RNF125: variants seen among roughly 807,000 people sequenced by gnomAD.
RNF125 encodes E3 ubiquitin-protein ligase RNF125.
Under a neutral mutation model 26.0 loss-of-function variants are expected in RNF125, and 21 were observed. That is an observed-to-expected ratio of 0.81 (90% CI 0.57 to 1.16). The LOEUF (loss-of-function observed/expected upper bound fraction) is 1.16. RNF125 is among the 50% of genes most tolerant of loss of function. The probability of loss-of-function intolerance (pLI) is 0.00; values close to 1 mark genes in which losing one functional copy is unlikely to be tolerated. For missense variants in RNF125, 270 were observed against 299.4 expected, an observed-to-expected ratio of 0.90 and a Z score of 0.72; for synonymous variants, 95 against 109.2, an observed-to-expected ratio of 0.87 and a Z score of 0.81.
chr18:32,066,225 G>A (rs1158987657), intron 5 of RNF125: 11 of 313,946 alleles, frequency 3.5e-5, no homozygotes, highest in Non-Finnish European at 5.5e-5. Context: ...CGAGGTGGGC[G>A]AATCACTTGA....
the RNF125 span, among the ~76,000 whole-genome samples, chr18:32,082,288 A>G: frequency 2.0e-5 from 3 of 152,222 alleles, no homozygotes; most frequent in East Asian, 3.8e-4. Context: ...CTACCTGCAC[A>G]AAATACATTG....
At chr18:32,081,551 G>A in the RNF125 span, among the ~76,000 whole-genome samples, 1 of 152,016 alleles carries the variant, frequency 6.6e-6, no homozygotes, top group Non-Finnish European at 1.5e-5. Context: ...CCATCTCTTA[G>A]ATATTTACTG....
At chr18:32,046,085 C>T (rs113397593) in intron 4 of RNF125, among the ~76,000 whole-genome samples, 2,399 of 151,784 alleles carry the variant, frequency 0.016, 25 homozygotes, top group Non-Finnish European at 0.025. Context: ...GGTACATTGG[C>T]GGGCATGTGT....
At chr18:32,051,248 G>A (rs924066716) in intron 4 of RNF125, among the ~76,000 whole-genome samples, 1 of 151,892 alleles carries the variant, frequency 6.6e-6, no homozygotes, top group African/African-American at 2.4e-5. Context: ...TAAGTCTTTC[G>A]TTTAACACTG....
At chr18:32,080,235 G>T in the RNF125 span, among the ~76,000 whole-genome samples, 3 of 152,234 alleles carry the variant, frequency 2.0e-5, no homozygotes, top group Non-Finnish European at 4.4e-5. Context: ...CACCATGTTG[G>T]CCAGGCTGGT....
chr18:32,025,070 A>G (rs2039020454), intron 1 of RNF125, among the ~76,000 whole-genome samples: 1 of 152,146 alleles, frequency 6.6e-6, no homozygotes, highest in Non-Finnish European at 1.5e-5. Context: ...TCTCAAAAAA[A>G]CAAAAACAAA....
intron 1 of RNF125, among the ~76,000 whole-genome samples, chr18:32,030,735 C>T (rs1341727231): frequency 1.3e-5 from 2 of 152,220 alleles, no homozygotes; most frequent in Admixed American, 1.3e-4. Context: ...AGAATCTTTT[C>T]AGCTCACAGT....
intron 1 of RNF125, among the ~76,000 whole-genome samples, chr18:32,026,612 C>T (rs7245142): frequency 0.1 from 15,403 of 152,046 alleles, 797 homozygotes; most frequent in African/African-American, 0.11. Flanking sequence ...TCCCCAGACC[C>T]TCCCAGCACC....
intron 4 of RNF125, among the ~76,000 whole-genome samples, chr18:32,057,767 C>CT (rs1002769966): frequency 2.0e-5 from 3 of 152,078 alleles, no homozygotes; most frequent in African/African-American, 7.2e-5. Context: ...ATTATATTGT[C>CT]TTTAAGGCGG....
chr18:32,079,873 G>A, the RNF125 span, among the ~76,000 whole-genome samples: 1 of 152,166 alleles, frequency 6.6e-6, no homozygotes, highest in Non-Finnish European at 1.5e-5. Flanking sequence ...AAGGACAACT[G>A]TATATATTAT....
chr18:32,020,035 TGAGAGA>T (rs763767520), intron 1 of RNF125, among the ~76,000 whole-genome samples: 1 of 142,056 alleles, frequency 7.0e-6, no homozygotes. Flanking sequence ...TGTGTGTGTT[TGAGAGA>T]GAGAGAGAGA....
At chr18:32,042,920 G>T (rs1033319174) in intron 3 of RNF125, among the ~76,000 whole-genome samples, 1 of 151,100 alleles carries the variant, frequency 6.6e-6, no homozygotes, top group African/African-American at 2.4e-5. Flanking sequence ...AGGCTGAGAC[G>T]GGCAGATCAC....
At chr18:32,051,756 G>T (rs527779244) in intron 4 of RNF125, among the ~76,000 whole-genome samples, 1 of 147,358 alleles carries the variant, frequency 6.8e-6, no homozygotes, top group Non-Finnish European at 1.5e-5. Flanking sequence ...GTGTAGTGGC[G>T]TGATCTCACT....
intron 2 of RNF125, among the ~76,000 whole-genome samples, chr18:32,037,640 G>A (rs1045782318): frequency 6.6e-6 from 1 of 152,056 alleles, no homozygotes; most frequent in Non-Finnish European, 1.5e-5. Context: ...CCAAAGTGCT[G>A]GTGAGATGTG....
In RNF125 at chr18:32,068,281, A is replaced by G. The variant is rs1357884040; in HGVS notation, c.613-17A>G. The G allele has an allele frequency of 7.4e-7, 1 of 1,354,430 alleles. No individual in the cohort carries two copies. The highest frequency in any genetic ancestry group is 1.1e-6 in the Non-Finnish European group (1 of 947,762). 83.9% of individuals were successfully genotyped at this position (1,354,430 alleles called of 1,614,324 possible). A position where few individuals can be genotyped will look rare whatever the true frequency, so the allele number is the denominator to read the frequency against. ...CTATTGACTCTGAATATTTCTAATT[A>G]TTTTTCTTTATTGTAGGATTTTAAT... On this transcript the variant is annotated splice_polypyrimidine_tract_variant and intron_variant, in intron 5 of 5. Transcript: ENST00000217740.
At chr18:32,052,379 G>A (rs1417132084) in intron 4 of RNF125, among the ~76,000 whole-genome samples, 2 of 151,654 alleles carry the variant, frequency 1.3e-5, no homozygotes, top group Admixed American at 6.6e-5. Flanking sequence ...TGTAGTCCCG[G>A]CTGCTCAGGA....
chr18:32,034,947 A>G (rs2039138490), intron 1 of RNF125, among the ~76,000 whole-genome samples: 1 of 152,064 alleles, frequency 6.6e-6, no homozygotes, highest in Non-Finnish European at 1.5e-5. Flanking sequence ...AATAGCTAAA[A>G]GGAAAGGGTA....
At chr18:32,073,871 TACAGAGGG>T (rs1217440629), downstream of RNF125, among the ~76,000 whole-genome samples, 1 of 152,184 alleles carries the variant, frequency 6.6e-6, no homozygotes. Flanking sequence ...GACAAAATAT[TACAGAGGG>T]ACACTCATGT....
In RNF125 at chr18:32,018,907, C is replaced by T; in HGVS notation, c.44C>T (p.Ala15Val). ...LSTDSGKSAP[A>V]SATARALERR... Reference sequence around the variant, plus strand: ...ACCGACAGCGGCAAATCGGCGCCCGCCTCTGCCACCGCGCGGGCCCTGGAG... The same window carrying T: ...ACCGACAGCGGCAAATCGGCGCCCGTCTCTGCCACCGCGCGGGCCCTGGAG... Residue 15 changes from alanine (A) to valine (V), a missense_variant, in exon 1 of 6, where the codon GCC (alanine) becomes GTC (valine). Transcript: ENST00000217740. The T allele has an allele frequency of 6.2e-7, 1 of 1,606,746 alleles. No individual in the cohort carries two copies. Among genetic ancestry groups the T allele is most frequent in the Non-Finnish European group, 8.5e-7 (1 of 1,176,876 alleles).
Sources: allele counts gnomAD v4.1 joint callset (sites outside exome capture counted in the v4.1 genomes callset), GRCh38; gene constraint gnomAD v4.1.1; transcripts MANE v1.5; gene names NCBI Gene and HGNC (gene_info 2026-07-23, HGNC 2026-07-21).